Variants in SLAIN2 observed in about 807,000 individuals in gnomAD.
The protein encoded by SLAIN2 is SLAIN family member 2.
Under a neutral mutation model 56.6 loss-of-function variants are expected in SLAIN2, and 31 were observed. That is an observed-to-expected ratio of 0.55 (90% CI 0.41 to 0.74). SLAIN2 has a LOEUF of 0.74. SLAIN2 is among the 30% of genes least tolerant of loss of function. The pLI, the probability that SLAIN2 is intolerant of heterozygous loss-of-function variation, is 0.00. For synonymous variants in SLAIN2, 317 were observed against 284.9 expected, an observed-to-expected ratio of 1.11 and a Z score of -1.13; for missense variants, 777 against 754.2, an observed-to-expected ratio of 1.03 and a Z score of -0.35.
chr4:48,414,447 A>T (rs1394064292), intron 6 of SLAIN2, among the ~76,000 whole-genome samples: 2 of 152,072 alleles, frequency 1.3e-5, no homozygotes, highest in Non-Finnish European at 1.5e-5. Context: ...AACAATTTAC[A>T]CATTTATTAC....
At chr4:48,393,598 C>T (rs918646943) in intron 6 of SLAIN2, among the ~76,000 whole-genome samples, 1 of 152,100 alleles carries the variant, frequency 6.6e-6, no homozygotes, top group Non-Finnish European at 1.5e-5. Context: ...CTTTATCAGC[C>T]CAATAACATT....
In SLAIN2 at chr4:48,423,830, TG is replaced by T. The variant is rs1189888806; in HGVS notation, c.*1754del. On this transcript the variant is annotated 3_prime_UTR_variant, in exon 8 of 8. Transcript: ENST00000264313. The stretch of plus-strand genomic sequence containing the variant: ...GAAAGGATGGCGCCAGAATTCTACA[TG>T]ATAATGAACTAAAAAATGTTGCTTT... 6.6e-6 allele frequency: 1 copy of T among 152,154 alleles called. No homozygotes were observed. The highest frequency in any genetic ancestry group is 1.5e-5 in the Non-Finnish European group (1 of 68,010). 9.4% of individuals were successfully genotyped at this position (152,154 alleles called of 1,614,324 possible).
intron 6 of SLAIN2, among the ~76,000 whole-genome samples, chr4:48,396,193 G>A (rs2109773254): frequency 6.6e-6 from 1 of 152,136 alleles, no homozygotes; most frequent in South Asian, 2.1e-4. Flanking sequence ...AAGATAACAG[G>A]AAAGCCCAAA....
intron 6 of SLAIN2, among the ~76,000 whole-genome samples, chr4:48,384,662 C>G (rs1411809188): frequency 6.6e-6 from 1 of 152,102 alleles, no homozygotes; most frequent in African/African-American, 2.4e-5. Context: ...AAGTTTTGGT[C>G]ATTGGGTGGT....
At chr4:48,379,372 A>G (rs529871127) in intron 3 of SLAIN2, among the ~76,000 whole-genome samples, 2 of 152,290 alleles carry the variant, frequency 1.3e-5, no homozygotes, top group East Asian at 3.9e-4. Flanking sequence ...TATCTTGTGC[A>G]AGTTGAAATC....
chr4:48,342,616 C>T (rs1384299649), intron 1 of SLAIN2, among the ~76,000 whole-genome samples: 3 of 147,566 alleles, frequency 2.0e-5, no homozygotes, highest in Non-Finnish European at 4.5e-5. Flanking sequence ...GGACCCATTT[C>T]TGGCGGGGAT....
chr4:48,420,081 A>G, intron 6 of SLAIN2, 44 bp from the exon 7 acceptor site: 1 of 1,586,206 alleles, frequency 6.3e-7, no homozygotes, highest in Non-Finnish European at 8.6e-7. Flanking sequence ...TTTCATATAT[A>G]CAGATTTCCA....
chr4:48,408,761 G>C (rs1343224697), intron 6 of SLAIN2, among the ~76,000 whole-genome samples: 1 of 151,796 alleles, frequency 6.6e-6, no homozygotes, highest in Non-Finnish European at 1.5e-5. Context: ...AATAAATTTA[G>C]TGTAGCTTAA....
At position 48,341,959 on chromosome 4, in the gene SLAIN2, A is replaced by C. The variant is rs1166693465; in HGVS notation, c.220A>C (p.Lys74Gln). The C allele has an allele frequency of 2.8e-6, 4 of 1,448,208 alleles. No homozygotes were observed. The African/African-American group carries it at 6.0e-5, about 22-fold the overall frequency. The allele number at this position is 1,448,208 out of a possible 1,614,324, so 89.7% of individuals were successfully genotyped here. A position where few individuals can be genotyped will look rare whatever the true frequency, so the allele number is the denominator to read the frequency against. The part of the protein sequence containing the change: ...PRGFPLGLSA[K>Q]SGGGPGSGPR... Reference sequence around the variant, plus strand: ...GGGCTTCCCCTTGGGCCTCAGCGCCAAGTCGGGCGGCGGGCCCGGGTCGGG... The same window carrying C: ...GGGCTTCCCCTTGGGCCTCAGCGCCCAGTCGGGCGGCGGGCCCGGGTCGGG... The change falls in exon 1 of 8, where the codon AAG (lysine) becomes CAG (glutamine). Residue 74 changes from lysine to glutamine, a missense_variant. Coordinates refer to ENST00000264313, the MANE Select transcript of SLAIN2 (RefSeq NM_020846.2).
intron 1 of SLAIN2, among the ~76,000 whole-genome samples, chr4:48,362,732 CT>C (rs397716685): frequency 1.5e-3 from 177 of 116,392 alleles, no homozygotes; most frequent in African/African-American, 5.5e-3. Context: ...TTTTAAATTT[CT>C]TTTTTTTTTT....
chr4:48,408,434 C>T (rs1716757947), intron 6 of SLAIN2, among the ~76,000 whole-genome samples: 1 of 149,656 alleles, frequency 6.7e-6, no homozygotes, highest in Non-Finnish European at 1.5e-5. Context: ...CATAGACCTT[C>T]CAATAGGATA....
chr4:48,398,682 G>A (rs1716471754), intron 6 of SLAIN2, among the ~76,000 whole-genome samples: 1 of 152,160 alleles, frequency 6.6e-6, no homozygotes, highest in Admixed American at 6.5e-5. Context: ...TAAGGTGTAA[G>A]GAAGGGGTCT....
At chr4:48,353,377 C>T (rs766894511) in intron 1 of SLAIN2, among the ~76,000 whole-genome samples, 2 of 151,942 alleles carry the variant, frequency 1.3e-5, no homozygotes, top group East Asian at 3.9e-4. Context: ...AAGAAATAGT[C>T]ATAAGAACTT....
intron 6 of SLAIN2, among the ~76,000 whole-genome samples, chr4:48,401,777 G>A (rs1716563266): frequency 6.6e-6 from 1 of 152,134 alleles, no homozygotes; most frequent in South Asian, 2.1e-4. Context: ...TACATTTAAA[G>A]TTAATATTGT....
chr4:48,374,403 A>AT (rs1301717479), intron 2 of SLAIN2, among the ~76,000 whole-genome samples: 7 of 151,394 alleles, frequency 4.6e-5, no homozygotes, highest in African/African-American at 9.7e-5. Context: ...GACCCAGCTA[A>AT]TTTTTTTTGT....
At chr4:48,399,363 GA>G (rs1378630361) in intron 6 of SLAIN2, among the ~76,000 whole-genome samples, 1 of 152,152 alleles carries the variant, frequency 6.6e-6, no homozygotes, top group Non-Finnish European at 1.5e-5. Flanking sequence ...TGTATCTTGG[GA>G]CTTGGCTGAA....
chr4:48,382,272 A>G (rs1715989869), intron 4 of SLAIN2, among the ~76,000 whole-genome samples: 1 of 152,150 alleles, frequency 6.6e-6, no homozygotes, highest in Non-Finnish European at 1.5e-5. Context: ...TTAGGGGTAG[A>G]AATATTTTTA....
chr4:48,390,798 T>C (rs185294018), intron 6 of SLAIN2, among the ~76,000 whole-genome samples: 1 of 152,234 alleles, frequency 6.6e-6, no homozygotes. Context: ...AATTGATCTT[T>C]CGATATTGGG....
intron 1 of SLAIN2, among the ~76,000 whole-genome samples, chr4:48,361,322 T>A (rs1715321568): frequency 6.6e-6 from 1 of 152,148 alleles, no homozygotes; most frequent in African/African-American, 2.4e-5. Context: ...GAAGCAAAAG[T>A]GTTGAGCTTT....
Sources: gnomAD v4.1 joint callset for allele counts (sites outside exome capture counted in the v4.1 genomes callset) on GRCh38, gnomAD v4.1.1 for gene constraint, MANE v1.5 for transcripts, NCBI Gene and HGNC (gene_info 2026-07-23, HGNC 2026-07-21) for gene names.